The following ARK2C variants were observed in gnomAD, a reference collection of about 807,000 sequenced individuals.
ARK2C encodes E3 ubiquitin-protein ligase ARK2C.
the ARK2C span, among the ~76,000 whole-genome samples, chr18:46,355,817 C>CA: frequency 6.6e-6 from 1 of 152,224 alleles, no homozygotes; most frequent in Non-Finnish European, 1.5e-5. Context: ...CAAAGCCTTG[C>CA]ATGGCACCCC....
At chr18:46,399,484 T>C in the ARK2C span, among the ~76,000 whole-genome samples, 1 of 152,166 alleles carries the variant, frequency 6.6e-6, no homozygotes, top group Non-Finnish European at 1.5e-5. Context: ...GCCGGTTTTA[T>C]GGGATTTGCT....
At chr18:46,421,348 A>G in the ARK2C span, among the ~76,000 whole-genome samples, 1 of 151,914 alleles carries the variant, frequency 6.6e-6, no homozygotes, top group Non-Finnish European at 1.5e-5. Flanking sequence ...TGCTTCCTCC[A>G]TGCTCACCTG....
the ARK2C span, among the ~76,000 whole-genome samples, chr18:46,382,891 G>T: frequency 6.6e-6 from 1 of 152,328 alleles, no homozygotes; most frequent in East Asian, 1.9e-4. Context: ...AGAGCCTCGG[G>T]ACTGCCAAAC....
chr18:46,360,040 A>G, the ARK2C span, among the ~76,000 whole-genome samples: 2 of 152,344 alleles, frequency 1.3e-5, no homozygotes, highest in South Asian at 4.1e-4. Flanking sequence ...GGTCTCTACC[A>G]TAGTCATCAT....
At chr18:46,435,523 G>A in the ARK2C span, 6 of 740,850 alleles carry the variant, frequency 8.1e-6, no homozygotes, top group Admixed American at 2.2e-5. Flanking sequence ...TCAGGCCCCA[G>A]CGTTTGCCTC....
the ARK2C span, among the ~76,000 whole-genome samples, chr18:46,407,704 G>A: frequency 6.6e-6 from 1 of 152,210 alleles, no homozygotes; most frequent in Non-Finnish European, 1.5e-5. Context: ...AAAATTAAGA[G>A]CAGGGCAGTA....
At chr18:46,446,342 A>G in the ARK2C span, among the ~76,000 whole-genome samples, 1 of 152,204 alleles carries the variant, frequency 6.6e-6, no homozygotes, top group African/African-American at 2.4e-5. Flanking sequence ...ACAGTAAGAA[A>G]AGAAAGGCTC....
the ARK2C span, among the ~76,000 whole-genome samples, chr18:46,452,426 T>C: frequency 1.3e-5 from 2 of 152,200 alleles, no homozygotes; most frequent in South Asian, 4.1e-4. Flanking sequence ...ATTACAAGCA[T>C]GTGCCACCAC....
chr18:46,440,394 AAGCTTT>A, the ARK2C span, among the ~76,000 whole-genome samples: 2 of 152,226 alleles, frequency 1.3e-5, no homozygotes, highest in Non-Finnish European at 1.5e-5. Context: ...TTTATAAATT[AAGCTTT>A]ATCATTGGTG....
the ARK2C span, among the ~76,000 whole-genome samples, chr18:46,354,386 A>G: frequency 6.6e-6 from 1 of 152,198 alleles, no homozygotes; most frequent in African/African-American, 2.4e-5. Context: ...CCATGCACAC[A>G]CTCAGGCTGT....
chr18:46,435,379 G>C, the ARK2C span: 1 of 1,613,938 alleles, frequency 6.2e-7, no homozygotes, highest in Non-Finnish European at 8.5e-7. Flanking sequence ...CCAGGTATTT[G>C]GCTGAGGGCA....
chr18:46,414,176 C>T, the ARK2C span, among the ~76,000 whole-genome samples: 1 of 152,246 alleles, frequency 6.6e-6, no homozygotes, highest in Non-Finnish European at 1.5e-5. Context: ...GGCCAGGCTG[C>T]TTGCCTAAGG....
the ARK2C span, among the ~76,000 whole-genome samples, chr18:46,414,151 G>A: frequency 2.6e-5 from 4 of 152,212 alleles, no homozygotes; most frequent in African/African-American, 9.6e-5. Flanking sequence ...AGGTCAGGAA[G>A]CTGAGGCTCA....
the ARK2C span, among the ~76,000 whole-genome samples, chr18:46,385,399 C>A: frequency 6.6e-6 from 1 of 151,958 alleles, no homozygotes; most frequent in South Asian, 2.1e-4. Context: ...TGTGAGTGTG[C>A]GTGTGCATAT....
chr18:46,401,887 A>G, the ARK2C span, among the ~76,000 whole-genome samples: 1 of 152,250 alleles, frequency 6.6e-6, no homozygotes, highest in Non-Finnish European at 1.5e-5. Context: ...AGGGACCATC[A>G]GCTTGCATCT....
At chr18:46,377,754 T>G in the ARK2C span, among the ~76,000 whole-genome samples, 7 of 152,084 alleles carry the variant, frequency 4.6e-5, no homozygotes, top group Non-Finnish European at 8.8e-5. Flanking sequence ...GATGGGGCAT[T>G]GTGAGATGAA....
chr18:46,388,718 G>A, the ARK2C span, among the ~76,000 whole-genome samples: 1 of 152,106 alleles, frequency 6.6e-6, no homozygotes, highest in Non-Finnish European at 1.5e-5. Flanking sequence ...TAGACAACAG[G>A]AAAAAGCAGC....
At chr18:46,361,681 A>C in the ARK2C span, among the ~76,000 whole-genome samples, 1 of 152,212 alleles carries the variant, frequency 6.6e-6, no homozygotes, top group Non-Finnish European at 1.5e-5. Context: ...TGTCTGAGGA[A>C]GAGCCTACCC....
the ARK2C span, among the ~76,000 whole-genome samples, chr18:46,421,906 T>G: frequency 2.6e-4 from 39 of 152,164 alleles, no homozygotes; most frequent in Non-Finnish European, 1.0e-4. Context: ...ACAAAGCTGC[T>G]CTTGGCTGTA....
Sources: gnomAD v4.1 joint callset for allele counts (sites outside exome capture counted in the v4.1 genomes callset) on GRCh38, gnomAD v4.1.1 for gene constraint, MANE v1.5 for transcripts, NCBI Gene and HGNC (gene_info 2026-07-23, HGNC 2026-07-21) for gene names.